The following NR3C1 variants were observed in gnomAD, a reference collection of about 807,000 sequenced individuals.
The protein encoded by NR3C1 is glucocorticoid receptor.
In NR3C1, 14 loss-of-function variants were observed where a neutral mutation model predicts 74.0. The observed-to-expected ratio is 0.19, with a 90% confidence interval of 0.12 to 0.30. The LOEUF is 0.30. NR3C1 is among the 10% of genes least tolerant of loss of function. The probability of loss-of-function intolerance (pLI) is 1.00; values close to 1 mark genes in which losing one functional copy is unlikely to be tolerated. For synonymous variants in NR3C1, 308 were observed against 332.5 expected, an observed-to-expected ratio of 0.93 and a Z score of 0.80; for missense variants, 695 against 909.8, an observed-to-expected ratio of 0.76 and a Z score of 3.04.
At chr5:143,391,042 T>C (rs891121576) in intron 2 of NR3C1, among the ~76,000 whole-genome samples, 1 of 149,498 alleles carries the variant, frequency 6.7e-6, no homozygotes. Context: ...TTTTCTGTTT[T>C]AAAAAAAAAA....
intron 2 of NR3C1, among the ~76,000 whole-genome samples, chr5:143,350,559 A>G (rs1428036223): frequency 6.6e-6 from 1 of 152,188 alleles, no homozygotes; most frequent in Non-Finnish European, 1.5e-5. Flanking sequence ...TGAGAGACCT[A>G]TAACTCATCC....
At chr5:143,378,129 T>C (rs1402761485) in intron 2 of NR3C1, among the ~76,000 whole-genome samples, 3 of 152,080 alleles carry the variant, frequency 2.0e-5, no homozygotes, top group African/African-American at 7.2e-5. Flanking sequence ...TGCACACCTA[T>C]AGTCCAAGCT....
intron 1 of NR3C1, among the ~76,000 whole-genome samples, chr5:143,416,472 C>G (rs1841481046): frequency 6.6e-6 from 1 of 151,714 alleles, no homozygotes. Context: ...AAAAAAAAAG[C>G]AAAGAGATCT....
chr5:143,328,249 C>G (rs930628151), intron 2 of NR3C1, among the ~76,000 whole-genome samples: 2 of 152,198 alleles, frequency 1.3e-5, no homozygotes, highest in South Asian at 2.1e-4. Context: ...GGAGCTGGAG[C>G]ATCAGGGATG....
At chr5:143,352,234 A>G (rs1191908838) in intron 2 of NR3C1, among the ~76,000 whole-genome samples, 1 of 152,182 alleles carries the variant, frequency 6.6e-6, no homozygotes, top group Non-Finnish European at 1.5e-5. Context: ...ACTACATTGT[A>G]ATATGGGGTA....
In NR3C1 at chr5:143,292,316, G is replaced by A. The variant is rs150360904; in HGVS notation, c.2023+3144C>T. Among the ~76,000 whole-genome samples, 155 of 152,168 alleles carry A rather than the reference G, an allele frequency of 1.0e-3. 3 individuals are homozygous for A. In the East Asian group the frequency reaches 0.022, roughly 22 times the overall value. On this transcript the variant is annotated intron_variant, in intron 7 of 8. Transcript: ENST00000394464. ...TATGGTGGTAAGGTGTTGGGGAGGG[G>A]GAGGGGAATTGTTTTTTAATCTTTA...
intron 2 of NR3C1, among the ~76,000 whole-genome samples, chr5:143,385,028 C>T (rs1836933754): frequency 6.6e-6 from 1 of 152,236 alleles, no homozygotes; most frequent in South Asian, 2.1e-4. Context: ...CAAGCCTCAA[C>T]TCTTGCCTTC....
At position 143,281,909 on chromosome 5, in the gene NR3C1, G is replaced by GT; in HGVS notation, c.2313dup (p.Leu772ThrfsTer27). ...GGCAGTCACTTTTGATGAAACAGAA[G>GT]TTTTTTGATATTTCCATTTGAATAT... On this transcript the variant is annotated frameshift_variant, in exon 9 of 9. Coordinates refer to ENST00000394464, the MANE Select transcript of NR3C1 (RefSeq NM_000176.3). LOFTEE classifies it high-confidence loss of function. The GT allele has an allele frequency of 6.2e-7, 1 of 1,613,376 alleles. No individual in the cohort carries two copies.
At chr5:143,343,174 A>G (rs1828568903) in intron 2 of NR3C1, among the ~76,000 whole-genome samples, 1 of 152,234 alleles carries the variant, frequency 6.6e-6, no homozygotes, top group African/African-American at 2.4e-5. Flanking sequence ...TTAGAATGGC[A>G]CAGTATTCTA....
chr5:143,350,490 G>A (rs1830040901), intron 2 of NR3C1, among the ~76,000 whole-genome samples: 2 of 152,128 alleles, frequency 1.3e-5, no homozygotes, highest in African/African-American at 2.4e-5. Context: ...AGGGACTACA[G>A]GAGAAAGAGG....
At chr5:143,353,238 T>C (rs527909149) in intron 2 of NR3C1, among the ~76,000 whole-genome samples, 34 of 152,352 alleles carry the variant, frequency 2.2e-4, no homozygotes, top group African/African-American at 7.0e-4. Flanking sequence ...TTGCTGTTTC[T>C]ACCACATCTG....
intron 2 of NR3C1, chr5:143,389,825 G>A: frequency 2.5e-6 from 1 of 404,074 alleles, no homozygotes; most frequent in Non-Finnish European, 3.3e-6. Context: ...AAAGTAAGAG[G>A]TTCAAGGCAA....
At chr5:143,334,188 C>G (rs982683920) in intron 2 of NR3C1, among the ~76,000 whole-genome samples, 1 of 152,002 alleles carries the variant, frequency 6.6e-6, no homozygotes, top group Non-Finnish European at 1.5e-5. Context: ...TCGAGACCAG[C>G]CTGACCAACA....
At chr5:143,294,923 C>G (rs187300666) in intron 7 of NR3C1, 1 of 985,354 alleles carries the variant, frequency 1.0e-6, no homozygotes, top group East Asian at 1.1e-4. Context: ...AAAAAGTAAT[C>G]TCACAGAAGT....
At chr5:143,283,117 TCCTGCCTCGG>T in intron 7 of NR3C1, among the ~76,000 whole-genome samples, 2 of 152,276 alleles carry the variant, frequency 1.3e-5, no homozygotes, top group East Asian at 3.9e-4. Context: ...CAAGCAATCC[TCCTGCCTCGG>T]CCTCCCAAAG....
At chr5:143,302,580 G>C (rs1293242670) in intron 4 of NR3C1, among the ~76,000 whole-genome samples, 1 of 151,916 alleles carries the variant, frequency 6.6e-6, no homozygotes, top group Non-Finnish European at 1.5e-5. Context: ...AAGGAAGAAA[G>C]AGTAACAAGC....
rs146245459 is a variant in NR3C1 at position 143,425,060 on chromosome 5, C to T, written c.-14+9472G>A. ...CATGAGGATAGGCATTCAGATCAGT[C>T]GGGTAGAATTGAGAGTCCAGAAACC... On this transcript the variant is annotated intron_variant, in intron 1 of 8. Transcript: ENST00000343796. Among the ~76,000 whole-genome samples, 356 of 152,236 alleles carry T rather than the reference C, an allele frequency of 2.3e-3. 1 individual carries two copies. Among genetic ancestry groups the T allele is most frequent in the African/African-American group, 8.2e-3 (341 of 41,542 alleles).
chr5:143,333,380 T>C (rs1826408595), intron 2 of NR3C1: 3 of 624,380 alleles, frequency 4.8e-6, no homozygotes, highest in Admixed American at 2.6e-5. Context: ...CTGGTACAAA[T>C]AGATGGAGAC....
At position 143,314,010 on chromosome 5, in the gene NR3C1, G is replaced by C. The variant is rs1427331568; in HGVS notation, c.1343C>G (p.Ala448Gly). 2.5e-6 allele frequency: 4 copies of C among 1,613,294 alleles called. No homozygotes were observed. Among genetic ancestry groups the C allele is most frequent in the Non-Finnish European group, 2.5e-6 (3 of 1,179,420 alleles). The stretch of plus-strand genomic sequence containing the variant: ...TTCAAAACACACACTACCTTCCACT[G>C]CTCTTTTGAAGAAAACTTTACAGCT... Reference protein sequence around the residue: ...CGSCKVFFKRAVEGQHNYLCA... With the variant: ...CGSCKVFFKRGVEGQHNYLCA... Residue 448 changes from alanine to glycine, a missense_variant, in exon 3 of 9, where the codon GCA (alanine) becomes GGA (glycine). Around this residue, in one of 4 missense-constraint regions of NR3C1, gnomAD observed 23 missense variants for 83.1 expected, o/e 0.28. Coordinates refer to ENST00000394464, the MANE Select transcript of NR3C1 (RefSeq NM_000176.3).
Sources: gnomAD v4.1 joint callset for allele counts (sites outside exome capture counted in the v4.1 genomes callset) on GRCh38, gnomAD v4.1.1 for gene constraint, gnomAD v4.1.1 regional missense constraint, MANE v1.5 for transcripts, NCBI Gene and HGNC (gene_info 2026-07-23, HGNC 2026-07-21) for gene names.